The following HPS3 variants were observed in gnomAD, a reference collection of about 807,000 sequenced individuals.
HPS3 encodes HPS3 biogenesis of lysosomal organelles complex 2 subunit 1.
In HPS3, 79 loss-of-function variants were observed where a neutral mutation model predicts 110.9. That is an observed-to-expected ratio of 0.71 (90% CI 0.59 to 0.86). The LOEUF (loss-of-function observed/expected upper bound fraction) is 0.86. HPS3 is among the 40% of genes least tolerant of loss of function. The pLI, the probability that HPS3 is intolerant of heterozygous loss-of-function variation, is 0.00. For synonymous variants in HPS3, 428 were observed against 451.0 expected, an observed-to-expected ratio of 0.95 and a Z score of 0.65; for missense variants, 1,197 against 1,206.2, an observed-to-expected ratio of 0.99 and a Z score of 0.11.
rs926875699 is a variant in HPS3, at chr3:149,146,095, A to C, written c.1163+549A>C. Among the ~76,000 whole-genome samples the C allele has an allele frequency of 2.0e-5, 3 of 152,296 alleles. No homozygotes were observed. In the South Asian group the frequency reaches 6.2e-4, roughly 32 times the overall value. ...GCCTTCCCCTATTATGCTGGCATGT[A>C]AACTGGGTTCACAAGCAGTAGCTTG... is the stretch of plus-strand genomic sequence containing the variant. On this transcript the variant is annotated intron_variant, in intron 5 of 16. Coordinates refer to ENST00000296051, the MANE Select transcript of HPS3 (RefSeq NM_032383.5).
Position 149,172,492 on chromosome 3 carries a change from C to A in HPS3, c.*270C>A. 1 of 315,308 alleles carries A rather than the reference C, an allele frequency of 3.2e-6. No homozygotes were observed. The highest frequency in any genetic ancestry group is 6.1e-6 in the Non-Finnish European group (1 of 164,770). The allele number at this position is 315,308 out of a possible 1,614,324, so 19.5% of individuals were successfully genotyped here. On this transcript the variant is annotated 3_prime_UTR_variant, in exon 17 of 17. Transcript: ENST00000296051. ...AAGACATAAGAATTCCTCAAAGAAG[C>A]CATACATTTTTTAAGGTGGGGATTG...
rs927043897 is a variant in HPS3, at chr3:149,153,623, A to G, written c.1375A>G (p.Arg459Gly). ...AGCAGAACCTGAAGCCATTCCAGAG[A>G]GAAGACAGTCACCCAAGAGGCTTCT... ...TKAEPEAIPERRQSPKRLLSR... is the reference protein window; with the variant it reads ...TKAEPEAIPEGRQSPKRLLSR... The change falls in exon 7 of 17, where the codon AGA (arginine) becomes GGA (glycine). Residue 459 changes from arginine (R) to glycine (G), a missense_variant. By Grantham distance (125) the Arg-to-Gly change is moderately radical (BLOSUM62 -2). Transcript: ENST00000296051. 11 of 1,614,120 alleles carry G rather than the reference A, an allele frequency of 6.8e-6. No homozygotes were observed. The highest frequency in any genetic ancestry group is 6.7e-5 in the African/African-American group (5 of 74,938).
At position 149,129,659 on chromosome 3, in the gene HPS3, G is replaced by A. The variant is rs1409724293; in HGVS notation, c.-65G>A. ...TCGCGGAAGTAGTCCTACATTCGCGGTCAGCGCGGGGTCTCCGGGCGCCCT... is the reference window on the plus strand; with the variant it reads ...TCGCGGAAGTAGTCCTACATTCGCGATCAGCGCGGGGTCTCCGGGCGCCCT... On this transcript the variant is annotated 5_prime_UTR_variant, in exon 1 of 17. Coordinates refer to ENST00000296051, the MANE Select transcript of HPS3 (RefSeq NM_032383.5). 1 of 1,293,098 alleles carries A rather than the reference G, an allele frequency of 7.7e-7. No homozygotes were observed. Among genetic ancestry groups the A allele is most frequent in the Non-Finnish European group, 1.0e-6 (1 of 970,406 alleles). 80.1% of individuals were successfully genotyped at this position (1,293,098 alleles called of 1,614,324 possible).
At chr3:149,146,483 A>G (rs1333088326) in intron 5 of HPS3, among the ~76,000 whole-genome samples, 1 of 152,352 alleles carries the variant, frequency 6.6e-6, no homozygotes, top group East Asian at 1.9e-4. Flanking sequence ...AGAGATGTGC[A>G]TTATAGATTG....
chr3:149,157,161 C>T lies in HPS3; in HGVS notation c.1510-189C>T, dbSNP rs145064950. The stretch of plus-strand genomic sequence containing the variant: ...TAATCATGTATGTATTAAACTGGCT[C>T]ATAGATGGTGGGAAAAAAGCCCTAC... On this transcript the variant is annotated intron_variant, in intron 8 of 16. Coordinates refer to ENST00000296051, the MANE Select transcript of HPS3 (RefSeq NM_032383.5). 6.8e-3 allele frequency among the ~76,000 whole-genome samples: 1,028 copies of T among 152,228 alleles called. 11 individuals are homozygous for T. Among genetic ancestry groups the T allele is most frequent in the African/African-American group, 0.022 (927 of 41,536 alleles).
intron 16 of HPS3, among the ~76,000 whole-genome samples, chr3:149,169,776 A>G (rs1244454596): frequency 6.6e-6 from 1 of 152,232 alleles, no homozygotes; most frequent in Non-Finnish European, 1.5e-5. Flanking sequence ...CTGTTTTTGT[A>G]ATGAACCAGG....
At chr3:149,161,592 C>T (rs1055963944) in intron 11 of HPS3, among the ~76,000 whole-genome samples, 1 of 150,194 alleles carries the variant, frequency 6.7e-6, no homozygotes, top group African/African-American at 2.5e-5. Context: ...TTACTGCAAC[C>T]TCCACCTCCC....
intron 8 of HPS3, among the ~76,000 whole-genome samples, chr3:149,155,948 C>T (rs1005234518): frequency 6.6e-6 from 1 of 152,092 alleles, no homozygotes; most frequent in African/African-American, 2.4e-5. Context: ...ATGGGAAGAT[C>T]ACTTGAGCCC....
chr3:149,162,566 C>T lies in HPS3; in HGVS notation c.2293-124C>T, dbSNP rs531556147. The T allele has an allele frequency of 9.4e-5, 107 of 1,139,968 alleles. No individual in the cohort carries two copies. The East Asian group carries it at 1.1e-3, about 12-fold the overall frequency. The allele number at this position is 1,139,968 out of a possible 1,614,324, so 70.6% of individuals were successfully genotyped here. A position where few individuals can be genotyped will look rare whatever the true frequency, so the allele number is the denominator to read the frequency against. ...ATGTCTAAATTTGCTTTTGCCATGG[C>T]GCTAATGCTAATGGTAAATTATTGA... On this transcript the variant is annotated intron_variant, in intron 12 of 16. Coordinates refer to ENST00000296051, the MANE Select transcript of HPS3 (RefSeq NM_032383.5).
In HPS3 at chr3:149,141,066, C is replaced by G. The variant is rs1411770408; in HGVS notation, c.762C>G (p.Cys254Trp). The G allele has an allele frequency of 1.1e-5, 17 of 1,613,672 alleles. No individual in the cohort carries two copies. In the Admixed American group the frequency reaches 2.8e-4, roughly 27 times the overall value. ...SQLESDDFVI[C>W]QKPLELLGEK... ...TTGAGTCAGATGATTTTGTCATCTG[C>G]CAGAAGCCCCTGGAACTTCTTGGTG... The change falls in exon 3 of 17, where the codon TGC becomes TGG. Residue 254 changes from cysteine to tryptophan, a missense_variant. Coordinates refer to ENST00000296051, the MANE Select transcript of HPS3 (RefSeq NM_032383.5).
intron 16 of HPS3, 68 bp from the exon 17 acceptor site, chr3:149,172,027 G>A (rs1163721168): frequency 2.0e-6 from 3 of 1,537,138 alleles, no homozygotes; most frequent in Non-Finnish European, 2.7e-6. Context: ...TAATTGGTTG[G>A]TTAAGTAAGA....
chr3:149,148,308 T>C (rs1291816101), intron 5 of HPS3, among the ~76,000 whole-genome samples: 2 of 149,684 alleles, frequency 1.3e-5, no homozygotes, highest in Admixed American at 6.7e-5. Flanking sequence ...AAGAACAAAA[T>C]AAAATCATGT....
intron 10 of HPS3, among the ~76,000 whole-genome samples, chr3:149,159,332 G>A (rs1723650187): frequency 6.6e-6 from 1 of 152,198 alleles, no homozygotes; most frequent in Admixed American, 6.5e-5. Flanking sequence ...GGAGGTTGAG[G>A]TGGGAGGATC....
At chr3:149,130,496 C>T (rs1721697376) in intron 1 of HPS3, 1 of 154,750 alleles carries the variant, frequency 6.5e-6, no homozygotes, top group Non-Finnish European at 1.4e-5. Flanking sequence ...TCTTAAACAT[C>T]TGTGGCCGGG....
intron 5 of HPS3, among the ~76,000 whole-genome samples, 163 bp from the exon 6 acceptor site, chr3:149,150,436 T>G (rs1006971120): frequency 6.6e-6 from 1 of 152,248 alleles, no homozygotes; most frequent in East Asian, 1.9e-4. Flanking sequence ...ACAGGGATTC[T>G]GAGGCATTCC....
chr3:149,164,086 C>T (rs1324044638), intron 14 of HPS3, 137 bp downstream of exon 14: 4 of 597,692 alleles, frequency 6.7e-6, no homozygotes, highest in South Asian at 1.9e-5. Context: ...TAGGCATACT[C>T]AGGAGACTTG....
At position 149,141,141 on chromosome 3, in the gene HPS3, A is replaced by T; in HGVS notation, c.837A>T (p.Leu279Phe). Reference sequence around the variant, plus strand: ...CTGTTACACTGGAGTCTACGGGATTAGCTGATGAAAAAAGAAAATATTCCC... The same window carrying T: ...CTGTTACACTGGAGTCTACGGGATTTGCTGATGAAAAAAGAAAATATTCCC... ...GLSVTLESTG[L>F]ADEKRKYSHF... Residue 279 changes from leucine (L) to phenylalanine (F), a missense_variant, in exon 3 of 17, where the codon TTA (leucine) becomes TTT (phenylalanine). Coordinates refer to ENST00000296051, the MANE Select transcript of HPS3 (RefSeq NM_032383.5). 2 of 1,613,576 alleles carry T rather than the reference A, an allele frequency of 1.2e-6. No homozygotes were observed. Among genetic ancestry groups the T allele is most frequent in the Non-Finnish European group, 8.5e-7 (1 of 1,179,924 alleles).
At chr3:149,170,873 G>A (rs28372892) in intron 16 of HPS3, among the ~76,000 whole-genome samples, 22,425 of 152,158 alleles carry the variant, frequency 0.15, 2,204 homozygotes, top group East Asian at 0.28. Context: ...TGGGAACATT[G>A]TTCATAACTG....
chr3:149,131,791 C>T (rs922993708), intron 1 of HPS3, among the ~76,000 whole-genome samples: 4 of 152,158 alleles, frequency 2.6e-5, no homozygotes, highest in Non-Finnish European at 5.9e-5. Flanking sequence ...GCACGGTAGG[C>T]CTCTTGGACC....
Sources: gnomAD v4.1 joint callset for allele counts (sites outside exome capture counted in the v4.1 genomes callset) on GRCh38, gnomAD v4.1.1 for gene constraint, MANE v1.5 for transcripts, NCBI Gene and HGNC (gene_info 2026-07-23, HGNC 2026-07-21) for gene names.